The following CDH12 variants were observed in gnomAD, a reference collection of about 807,000 sequenced individuals.
CDH12 encodes the protein cadherin-12.
A neutral mutation model predicts 74.1 loss-of-function variants in CDH12; 41 were observed. The observed-to-expected ratio is 0.55, with a 90% CI of 0.43 to 0.72. CDH12 has a LOEUF of 0.72. Ranked by LOEUF, CDH12 falls within the 30% of genes least tolerant of loss-of-function variation. The probability of loss-of-function intolerance (pLI) is 0.00; values close to 1 mark genes in which losing one functional copy is unlikely to be tolerated. For synonymous variants in CDH12, 399 were observed against 355.0 expected (o/e 1.12, Z -1.39); for missense variants, 945 against 977.2 (o/e 0.97, Z 0.44).
chr5:22,341,825 T>G (rs567879643), intron 3 of CDH12, among the ~76,000 whole-genome samples: 23 of 152,256 alleles, frequency 1.5e-4, no homozygotes, highest in African/African-American at 5.3e-4. Context: ...GATGCAATCT[T>G]GGTGCTTTCA....
At chr5:22,145,980 A>G (rs1017581258) in intron 4 of CDH12, among the ~76,000 whole-genome samples, 5 of 152,102 alleles carry the variant, frequency 3.3e-5, no homozygotes, top group Admixed American at 3.3e-4. Context: ...AAAGCAATGC[A>G]TATCATTTAA....
intron 9 of CDH12, among the ~76,000 whole-genome samples, chr5:21,805,776 A>T (rs1215468431): frequency 6.6e-6 from 1 of 152,162 alleles, no homozygotes; most frequent in Non-Finnish European, 1.5e-5. Flanking sequence ...ATATAGAATA[A>T]ATAGGATTAG....
At chr5:22,483,332 G>A (rs1746454652) in intron 2 of CDH12, among the ~76,000 whole-genome samples, 1 of 151,872 alleles carries the variant, frequency 6.6e-6, no homozygotes, top group Admixed American at 6.6e-5. Flanking sequence ...CAATATATAT[G>A]AACACATTCT....
intron 4 of CDH12, among the ~76,000 whole-genome samples, chr5:22,187,932 T>G (rs1750058820): frequency 6.6e-6 from 1 of 152,182 alleles, no homozygotes; most frequent in Non-Finnish European, 1.5e-5. Flanking sequence ...CTAGAAACAT[T>G]AAACCATGCG....
chr5:22,311,669 C>T (rs1321652930), intron 3 of CDH12, among the ~76,000 whole-genome samples: 1 of 146,210 alleles, frequency 6.8e-6, no homozygotes, highest in Non-Finnish European at 1.5e-5. Context: ...CGCCATTGCA[C>T]TCCAGTCTGG....
chr5:21,980,148 TAAA>T lies in CDH12; in HGVS notation c.232-4766_232-4764del, dbSNP rs200704666. On this transcript the variant is annotated intron_variant, in intron 5 of 14. Transcript: ENST00000382254. ...ATGTACCCTAAAACTTAAAGTATAA[TAAA>T]AAAAAAAAACATACATACATATATG... 5.9e-3 allele frequency among the ~76,000 whole-genome samples: 827 copies of T among 140,752 alleles called. 14 individuals carry two copies. Among genetic ancestry groups the T allele is most frequent in the East Asian group, 0.05 (240 of 4,760 alleles). 92.3% of individuals were successfully genotyped at this position (140,752 alleles called of 152,430 possible).
chr5:22,227,313 A>C (rs1041066498), intron 3 of CDH12, among the ~76,000 whole-genome samples: 1 of 152,102 alleles, frequency 6.6e-6, no homozygotes, highest in African/African-American at 2.4e-5. Context: ...GGGTCACTAG[A>C]TACTCAGAGA....
chr5:21,880,623 CTTTCTTTCT>C (rs1561268516), intron 6 of CDH12, among the ~76,000 whole-genome samples: 115 of 58,740 alleles, frequency 2.0e-3, no homozygotes, highest in African/African-American at 3.2e-3. Context: ...TTCCTTCTTT[CTTTCTTTCT>C]TTCTTTCTTT....
intron 3 of CDH12, among the ~76,000 whole-genome samples, chr5:22,356,608 T>C (rs1292027150): frequency 6.6e-6 from 1 of 152,144 alleles, no homozygotes; most frequent in Non-Finnish European, 1.5e-5. Context: ...TGTATACATA[T>C]GGAAGACTGA....
intron 11 of CDH12, among the ~76,000 whole-genome samples, chr5:21,773,015 A>G (rs1025448719): frequency 6.6e-6 from 1 of 152,212 alleles, no homozygotes; most frequent in Admixed American, 6.5e-5. Context: ...ACAGTCTATC[A>G]CAATACAAAT....
At chr5:22,041,278 A>G (rs929790067) in intron 5 of CDH12, among the ~76,000 whole-genome samples, 2 of 152,268 alleles carry the variant, frequency 1.3e-5, no homozygotes, top group Middle Eastern at 3.4e-3. Flanking sequence ...CTACAAAACA[A>G]CTAGAAAGCA....
At chr5:22,239,954 T>C (rs1175300814) in intron 3 of CDH12, among the ~76,000 whole-genome samples, 1 of 152,224 alleles carries the variant, frequency 6.6e-6, no homozygotes, top group Non-Finnish European at 1.5e-5. Flanking sequence ...TATCAAAACA[T>C]CTTTCCCGGT....
At chr5:22,821,138 T>C (rs1206230138) in intron 1 of CDH12, among the ~76,000 whole-genome samples, 1 of 152,064 alleles carries the variant, frequency 6.6e-6, no homozygotes, top group Non-Finnish European at 1.5e-5. Context: ...AAAAACCACA[T>C]GATTATCTCA....
intron 7 of CDH12, among the ~76,000 whole-genome samples, chr5:21,846,469 T>C (rs1198399754): frequency 2.0e-5 from 3 of 152,146 alleles, no homozygotes; most frequent in African/African-American, 7.2e-5. Context: ...AGTATGTCTG[T>C]TTTTCTGTTT....
At chr5:22,183,997 AG>A (rs1205057952) in intron 4 of CDH12, among the ~76,000 whole-genome samples, 2 of 151,324 alleles carry the variant, frequency 1.3e-5, no homozygotes, top group African/African-American at 4.9e-5. Context: ...TAGTTTGCAA[AG>A]GAAGAATAAA....
At chr5:22,341,341 T>A (rs1256694659) in intron 3 of CDH12, among the ~76,000 whole-genome samples, 2 of 152,086 alleles carry the variant, frequency 1.3e-5, no homozygotes, top group African/African-American at 2.4e-5. Context: ...AAAGAAAGAA[T>A]GGCTAGACTT....
At chr5:22,838,651 C>CTGTGTGTGTGTGTGTGTGTGTG (rs369033220) in intron 1 of CDH12, among the ~76,000 whole-genome samples, 1 of 143,858 alleles carries the variant, frequency 7.0e-6, no homozygotes, top group Admixed American at 7.0e-5. Context: ...GTGAGAGTGT[C>CTGTGTGTGTGTGTGTGTGTGTG]TGTGTGTGTG....
intron 2 of CDH12, among the ~76,000 whole-genome samples, chr5:22,427,528 G>C (rs1358603220): frequency 6.6e-6 from 1 of 152,144 alleles, no homozygotes; most frequent in Non-Finnish European, 1.5e-5. Flanking sequence ...ATTTAATACA[G>C]AGCTGTGTTC....
chr5:22,194,818 C>T (rs944525311), intron 4 of CDH12, among the ~76,000 whole-genome samples: 3 of 152,150 alleles, frequency 2.0e-5, no homozygotes, highest in Non-Finnish European at 4.4e-5. Context: ...CAGTTTCACC[C>T]AGAGGAGCTG....
Sources: gnomAD v4.1 joint callset for allele counts (sites outside exome capture counted in the v4.1 genomes callset) on GRCh38, gnomAD v4.1.1 for gene constraint, MANE v1.5 for transcripts, NCBI Gene and HGNC (gene_info 2026-07-23, HGNC 2026-07-21) for gene names.